TMOD1: variants seen among roughly 807,000 people sequenced by gnomAD.
TMOD1 encodes tropomodulin 1, also known as tropomodulin-1.
TMOD1 carries 17 observed loss-of-function variants against 40.6 expected under a neutral mutation model. The ratio of observed to expected loss-of-function variants is 0.42; its 90% confidence interval spans 0.29 to 0.63. The LOEUF is 0.63. TMOD1 is among the 20% of genes least tolerant of loss of function. The pLI is 0.22. For synonymous variants in TMOD1, 181 were observed against 175.0 expected (o/e 1.03, Z -0.27); for missense variants, 391 against 447.6 (o/e 0.87, Z 1.14).
At chr9:97,568,006 G>A (rs1830758682) in intron 7 of TMOD1, among the ~76,000 whole-genome samples, 1 of 152,068 alleles carries the variant, frequency 6.6e-6, no homozygotes, top group Non-Finnish European at 1.5e-5. Flanking sequence ...GGCTCTGATT[G>A]TCATCTACAC....
At chr9:97,599,530 A>T in intron 9 of TMOD1, 104 bp from the exon 10 acceptor site, 7 of 1,447,876 alleles carry the variant, frequency 4.8e-6, no homozygotes, top group Non-Finnish European at 3.8e-6. Context: ...AGACTCTGTT[A>T]ACAAACCAAT....
intron 3 of TMOD1, among the ~76,000 whole-genome samples, chr9:97,548,513 G>A (rs748031743): frequency 2.0e-5 from 3 of 152,168 alleles, no homozygotes; most frequent in Admixed American, 6.5e-5. Flanking sequence ...GCAGACCTGG[G>A]TGGACACCTA....
intron 2 of TMOD1, among the ~76,000 whole-genome samples, chr9:97,528,339 G>T (rs1424305485): frequency 6.6e-6 from 1 of 152,186 alleles, no homozygotes; most frequent in Non-Finnish European, 1.5e-5. Flanking sequence ...GCACAGGGGT[G>T]TGGGAGCAGG....
At chr9:97,536,798 G>A (rs746463896) in intron 2 of TMOD1, among the ~76,000 whole-genome samples, 9 of 152,172 alleles carry the variant, frequency 5.9e-5, no homozygotes, top group Non-Finnish European at 1.2e-4. Context: ...GAAGCTGTGT[G>A]TAATTCAGTC....
intron 8 of TMOD1, among the ~76,000 whole-genome samples, chr9:97,588,331 A>G (rs1825923760): frequency 6.6e-6 from 1 of 152,024 alleles, no homozygotes; most frequent in African/African-American, 2.4e-5. Context: ...TTTGATTTGC[A>G]TTTTCTGAAT....
chr9:97,536,588 G>A (rs112392429), intron 2 of TMOD1, among the ~76,000 whole-genome samples: 4 of 152,232 alleles, frequency 2.6e-5, no homozygotes, highest in African/African-American at 9.6e-5. Context: ...GCTCTCACGT[G>A]CGGCCACATC....
intron 2 of TMOD1, among the ~76,000 whole-genome samples, chr9:97,529,918 C>G (rs754301596): frequency 3.9e-5 from 6 of 152,162 alleles, no homozygotes; most frequent in Non-Finnish European, 7.4e-5. Flanking sequence ...TCATTTAGTC[C>G]TCTGGGAGGG....
chr9:97,514,552 T>A (rs1378230834), intron 1 of TMOD1, among the ~76,000 whole-genome samples: 1 of 152,214 alleles, frequency 6.6e-6, no homozygotes, highest in Non-Finnish European at 1.5e-5. Flanking sequence ...GGATGGGTTC[T>A]TGGACTAGAG....
At chr9:97,526,021 G>C (rs1328233012) in intron 2 of TMOD1, among the ~76,000 whole-genome samples, 1 of 152,182 alleles carries the variant, frequency 6.6e-6, no homozygotes, top group Non-Finnish European at 1.5e-5. Context: ...CTAGCTATGG[G>C]AGAAATGGCA....
intron 8 of TMOD1, among the ~76,000 whole-genome samples, chr9:97,580,164 A>G (rs1003959457): frequency 1.3e-5 from 2 of 152,230 alleles, no homozygotes; most frequent in Non-Finnish European, 2.9e-5. Flanking sequence ...AGGGCCTGGG[A>G]CACAGTAAAT....
At chr9:97,581,736 T>C (rs1487529072) in intron 8 of TMOD1, among the ~76,000 whole-genome samples, 1 of 152,142 alleles carries the variant, frequency 6.6e-6, no homozygotes, top group South Asian at 2.1e-4. Context: ...TGCATTTCTC[T>C]GATGGCCAGT....
In TMOD1 at chr9:97,564,068, T is replaced by G. The variant is rs774376867; in HGVS notation, c.518T>G (p.Val173Gly). 1 of 1,614,206 alleles carries G rather than the reference T, an allele frequency of 6.2e-7. No homozygotes were observed. The highest frequency in any genetic ancestry group is 8.5e-7 in the Non-Finnish European group (1 of 1,180,048). Residue 173 changes from valine to glycine, a missense_variant, in exon 6 of 10, where the codon GTG (valine) becomes GGG (glycine). Coordinates refer to ENST00000259365, the MANE Select transcript of TMOD1 (RefSeq NM_003275.4). ...ATTAAACCCACACAATACAAGCCTG[T>G]GCCCGACGAAGAACCAAATTCAACA... is the stretch of plus-strand genomic sequence containing the variant. Reference protein sequence around the residue: ...SVIKPTQYKPVPDEEPNSTDV... With the variant: ...SVIKPTQYKPGPDEEPNSTDV...
At chr9:97,574,303 C>T (rs1830877811) in intron 8 of TMOD1, among the ~76,000 whole-genome samples, 1 of 151,984 alleles carries the variant, frequency 6.6e-6, no homozygotes, top group Non-Finnish European at 1.5e-5. Context: ...CGGCGGGCCC[C>T]GCACTCGGAG....
intron 2 of TMOD1, among the ~76,000 whole-genome samples, chr9:97,544,032 C>T (rs1341780629): frequency 6.6e-6 from 1 of 152,168 alleles, no homozygotes; most frequent in Non-Finnish European, 1.5e-5. Flanking sequence ...CTCCCAGTGT[C>T]TCTTTTGATC....
In TMOD1 at chr9:97,557,064, C is replaced by T. The variant is rs1324521115; in HGVS notation, c.397+3664C>T. ...TAAGCCAGTGCACATTATTGAACTC[C>T]TACTGTATACTAGGATGAACAGGAG... On this transcript the variant is annotated intron_variant, in intron 4 of 9. Transcript: ENST00000259365. The surrounding 1 kb of genome is among the most constrained non-coding windows in gnomAD (Gnocchi z 4.4). 6.6e-6 allele frequency among the ~76,000 whole-genome samples: 1 copy of T among 152,172 alleles called. No homozygotes were observed. Among genetic ancestry groups the T allele is most frequent in the African/African-American group, 2.4e-5 (1 of 41,442 alleles).
At chr9:97,514,887 G>A (rs1403488236) in intron 1 of TMOD1, among the ~76,000 whole-genome samples, 2 of 152,266 alleles carry the variant, frequency 1.3e-5, no homozygotes, top group African/African-American at 4.8e-5. Context: ...CCAGTGAACC[G>A]TGGGAAGGGG....
At chr9:97,511,734 G>A (rs970714249) in intron 1 of TMOD1, among the ~76,000 whole-genome samples, 1 of 152,052 alleles carries the variant, frequency 6.6e-6, no homozygotes, top group Non-Finnish European at 1.5e-5. Context: ...ACAGGAGTGC[G>A]CCATCACACC....
intron 1 of TMOD1, among the ~76,000 whole-genome samples, chr9:97,518,659 C>T (rs984328392): frequency 2.0e-4 from 30 of 152,102 alleles, no homozygotes; most frequent in Non-Finnish European, 4.0e-4. Flanking sequence ...AGGGGTGACC[C>T]GTGATATGAA....
intron 9 of TMOD1, among the ~76,000 whole-genome samples, chr9:97,592,269 A>G (rs1826018139): frequency 6.6e-6 from 1 of 152,152 alleles, no homozygotes; most frequent in South Asian, 2.1e-4. Context: ...AGGCTATAGG[A>G]AAACAAGAGG....
Sources: gnomAD v4.1 joint callset for allele counts (sites outside exome capture counted in the v4.1 genomes callset) on GRCh38, gnomAD v4.1.1 for gene constraint, Gnocchi (gnomAD v3.1) non-coding constraint, MANE v1.5 for transcripts, NCBI Gene and HGNC (gene_info 2026-07-23, HGNC 2026-07-21) for gene names.